The following PCDHGB2 variants were observed in gnomAD, a reference collection of about 807,000 sequenced individuals.
PCDHGB2 encodes the protein protocadherin gamma subfamily B, 2.
Under a neutral mutation model 59.3 loss-of-function variants are expected in PCDHGB2, and 55 were observed. The ratio of observed to expected loss-of-function variants is 0.93; its 90% CI spans 0.75 to 1.16. PCDHGB2 has a LOEUF of 1.16. Ranked by LOEUF, PCDHGB2 falls within the 50% of genes most tolerant of loss-of-function variation. PCDHGB2 has a pLI of 0.00. For missense variants in PCDHGB2, 1,228 were observed against 1,198.5 expected (o/e 1.02, Z -0.36); for synonymous variants, 516 against 512.0 (o/e 1.01, Z -0.11).
At chr5:141,372,380 A>G in intron 1 of PCDHGB2, 1 of 1,613,964 alleles carries the variant, frequency 6.2e-7, no homozygotes, top group Non-Finnish European at 8.5e-7. Context: ...TGCTGCACCT[A>G]ATCTTCGCAG....
At chr5:141,427,396 A>G (rs1303085720) in intron 1 of PCDHGB2, 1 of 460,578 alleles carries the variant, frequency 2.2e-6, no homozygotes, top group Non-Finnish European at 4.4e-6. Context: ...AAAACACATG[A>G]TAAAGATTCG....
intron 1 of PCDHGB2, chr5:141,389,975 CTCAGT>C: frequency 6.2e-7 from 1 of 1,614,060 alleles, no homozygotes; most frequent in South Asian, 1.1e-5. Flanking sequence ...TGGCCTTGAT[CTCAGT>C]GCTCTTCCTC....
At chr5:141,363,665 G>T (rs951901062) in intron 1 of PCDHGB2, among the ~76,000 whole-genome samples, 1 of 152,228 alleles carries the variant, frequency 6.6e-6, no homozygotes, top group African/African-American at 2.4e-5. Flanking sequence ...TATTTCTTCT[G>T]CATATGACAG....
chr5:141,478,903 C>T lies in PCDHGB2; in HGVS notation c.2422-15904C>T. On this transcript the variant is annotated intron_variant, in intron 1 of 3. Transcript: ENST00000522605. Reference sequence around the variant, plus strand: ...TGGTATCATTTACATTAGGAATAAGCTGCTGGATACCTCTAACCAGTGGCA... The same window carrying T: ...TGGTATCATTTACATTAGGAATAAGTTGCTGGATACCTCTAACCAGTGGCA... 4.2e-6 allele frequency: 4 copies of T among 957,824 alleles called. No homozygotes were observed. The South Asian group carries it at 7.3e-5, about 18-fold the overall frequency. 59.3% of individuals were successfully genotyped at this position (957,824 alleles called of 1,614,324 possible). A position where few individuals can be genotyped will look rare whatever the true frequency, so the allele number is the denominator to read the frequency against.
intron 1 of PCDHGB2, among the ~76,000 whole-genome samples, chr5:141,401,410 A>C (rs536817103): frequency 6.6e-6 from 1 of 152,236 alleles, no homozygotes; most frequent in South Asian, 2.1e-4. Flanking sequence ...TGAGAGAGAA[A>C]GAGAGAGACT....
In PCDHGB2 at chr5:141,485,222, C is replaced by A; in HGVS notation, c.2422-9585C>A. The A allele has an allele frequency of 6.2e-7, 1 of 1,614,196 alleles. No homozygotes were observed. The highest frequency in any genetic ancestry group is 8.5e-7 in the Non-Finnish European group (1 of 1,180,020). On this transcript the variant is annotated intron_variant, in intron 1 of 3. Transcript: ENST00000522605. This position sits in a 1 kb window ranked among gnomAD's most constrained non-coding sequence, Gnocchi z 5.7. ...GACAGAAATCTGGCGGTGGGCTACC[C>A]TTTTGTTCCTCTTTTACCACCTGGG...
In PCDHGB2 at chr5:141,423,840, A is replaced by G. The variant is rs189449471; in HGVS notation, c.2421+61284A>G. ...CTTTGCCTTTCATGAGATTACGATA[A>G]TCTTTCAGAACGTTTTTGTGAAAGT... On this transcript the variant is annotated intron_variant, in intron 1 of 3. Coordinates refer to ENST00000522605, the MANE Select transcript of PCDHGB2 (RefSeq NM_018923.3). 1,637 of 1,279,840 alleles carry G rather than the reference A, an allele frequency of 1.3e-3. 3 individuals carry two copies. The highest frequency in any genetic ancestry group is 1.5e-3 in the Non-Finnish European group (1,519 of 1,009,392). 79.3% of individuals were successfully genotyped at this position (1,279,840 alleles called of 1,614,324 possible).
intron 2 of PCDHGB2, among the ~76,000 whole-genome samples, chr5:141,495,811 G>A (rs1164360438): frequency 1.3e-5 from 2 of 151,710 alleles, no homozygotes; most frequent in Admixed American, 1.3e-4. Flanking sequence ...GTTTCCTAGC[G>A]CCTTGTGTTC....
intron 1 of PCDHGB2, chr5:141,413,071 G>A (rs1589838233): frequency 1.7e-6 from 2 of 1,211,262 alleles, no homozygotes; most frequent in Admixed American, 2.8e-5. Flanking sequence ...AATTTAAAGT[G>A]CCCAGGCTAC....
Position 141,403,961 on chromosome 5 carries a change from G to A in PCDHGB2, c.2421+41405G>A, listed in dbSNP as rs763967342. 8.1e-6 allele frequency: 13 copies of A among 1,613,892 alleles called. No individual in the cohort carries two copies. Among genetic ancestry groups the A allele is most frequent in the Non-Finnish European group, 1.1e-5 (13 of 1,179,856 alleles). On this transcript the variant is annotated intron_variant, in intron 1 of 3. Transcript: ENST00000522605. ...AGGGTGGACAAAAGTGCTCATTTCG[G>A]TGGAAGATGTAAATGACAATAGACC...
At chr5:141,415,469 C>G (rs1247738517) in intron 1 of PCDHGB2, 1 of 1,614,090 alleles carries the variant, frequency 6.2e-7, no homozygotes, top group Non-Finnish European at 8.5e-7. Context: ...TCTCTCACCG[C>G]GGACTCGCGA....
In PCDHGB2 at chr5:141,393,943, G is replaced by A. The variant is rs186465469; in HGVS notation, c.2421+31387G>A. Reference sequence around the variant, plus strand: ...TTGAGTGTGCATGACCAAGACTCTGGAAAGAATGGTCAAGTTGTCTGTTAC... The same window carrying A: ...TTGAGTGTGCATGACCAAGACTCTGAAAAGAATGGTCAAGTTGTCTGTTAC... On this transcript the variant is annotated intron_variant, in intron 1 of 3. Transcript: ENST00000522605. 1.6e-5 allele frequency: 26 copies of A among 1,613,936 alleles called. No homozygotes were observed. The East Asian group carries it at 3.1e-4, about 19-fold the overall frequency.
chr5:141,371,470 A>T (rs1215048137), intron 1 of PCDHGB2: 1 of 1,613,998 alleles, frequency 6.2e-7, no homozygotes, highest in Admixed American at 1.7e-5. Context: ...ATACAAGAAG[A>T]TGCTGAGCTG....
At chr5:141,423,790 T>C (rs1561813105) in intron 1 of PCDHGB2, 2 of 1,261,874 alleles carry the variant, frequency 1.6e-6, no homozygotes, top group Non-Finnish European at 1.0e-6. Context: ...TTCATATATA[T>C]TTAGAGCAAT....
intron 1 of PCDHGB2, among the ~76,000 whole-genome samples, chr5:141,369,464 C>G (rs1013896891): frequency 6.6e-6 from 1 of 152,072 alleles, no homozygotes; most frequent in African/African-American, 2.4e-5. Flanking sequence ...GCCAGGTGTT[C>G]TAGCCCAGCC....
intron 1 of PCDHGB2, chr5:141,441,249 T>TA (rs981387539): frequency 2.0e-5 from 3 of 152,206 alleles, no homozygotes. Context: ...ACAAGATCTT[T>TA]AAATCACAAG....
rs2149814524 is a variant in PCDHGB2 at position 141,360,408 on chromosome 5, C to A, written c.273C>A (p.Asp91Glu). 1 of 1,613,870 alleles carries A rather than the reference C, an allele frequency of 6.2e-7. No homozygotes were observed. Among genetic ancestry groups the A allele is most frequent in the Non-Finnish European group, 8.5e-7 (1 of 1,179,864 alleles). ...ACTTACTTGTGAGTGACAGAATAGA[C>A]CGAGAACAGATATGCGGGAAGCAGC... Reference protein sequence around the residue: ...SGDLLVSDRIDREQICGKQPL... With the variant: ...SGDLLVSDRIEREQICGKQPL... The change falls in exon 1 of 4, where the codon GAC becomes GAA. Residue 91 changes from aspartate to glutamate, a missense_variant. By Grantham distance (45) the Asp-to-Glu change is conservative. Transcript: ENST00000522605.
intron 1 of PCDHGB2, chr5:141,395,370 G>A (rs377682598): frequency 1.7e-6 from 2 of 1,207,198 alleles, no homozygotes; most frequent in South Asian, 1.7e-5. Flanking sequence ...GTTTATTTTG[G>A]TGGTGTTACT....
chr5:141,458,168 A>G (rs1287422935), intron 1 of PCDHGB2, among the ~76,000 whole-genome samples: 1 of 152,254 alleles, frequency 6.6e-6, no homozygotes. Context: ...TGTTCACAGT[A>G]GTATACCTTA....
Sources: gnomAD v4.1 joint callset for allele counts (sites outside exome capture counted in the v4.1 genomes callset) on GRCh38, gnomAD v4.1.1 for gene constraint, Gnocchi (gnomAD v3.1) non-coding constraint, MANE v1.5 for transcripts, NCBI Gene and HGNC (gene_info 2026-07-23, HGNC 2026-07-21) for gene names.